Variants in PLCD3 observed in about 807,000 individuals in gnomAD.
PLCD3 encodes phospholipase C delta 3, also known as 1-phosphatidylinositol 4,5-bisphosphate phosphodiesterase delta-3.
In PLCD3, 62 loss-of-function variants were observed where a neutral mutation model predicts 82.8. That is an observed-to-expected ratio of 0.75 (90% CI 0.61 to 0.93). The LOEUF (loss-of-function observed/expected upper bound fraction) is 0.93. PLCD3 is among the 40% of genes least tolerant of loss of function. The pLI is 0.00. For missense variants in PLCD3, 1,023 were observed against 1,103.4 expected, an observed-to-expected ratio of 0.93 and a Z score of 1.03; for synonymous variants, 478 against 471.8, an observed-to-expected ratio of 1.01 and a Z score of -0.17.
chr17:45,113,840 A>G (rs555540928), intron 11 of PLCD3, among the ~76,000 whole-genome samples: 5 of 151,596 alleles, frequency 3.3e-5, no homozygotes, highest in African/African-American at 1.2e-4. Flanking sequence ...AAAAGCCCCC[A>G]CCCTCAGGGC....
Position 45,118,602 on chromosome 17 carries a change from G to T in PLCD3, c.914-110C>A. 1 of 1,298,776 alleles carries T rather than the reference G, an allele frequency of 7.7e-7. No individual in the cohort carries two copies. The highest frequency in any genetic ancestry group is 2.0e-5 in the Admixed American group (1 of 49,436). 80.5% of individuals were successfully genotyped at this position (1,298,776 alleles called of 1,614,324 possible). A position where few individuals can be genotyped will look rare whatever the true frequency, so the allele number is the denominator to read the frequency against. On this transcript the variant is annotated intron_variant, in intron 5 of 14. Coordinates refer to ENST00000619929, the MANE Select transcript of PLCD3 (RefSeq NM_133373.5). This position sits in a 1 kb window ranked among gnomAD's most constrained non-coding sequence, Gnocchi z 4.1. ...AGGAATAATGACTAGACAATCTACT[G>T]ACTAGACTCCATGTAAGTCATGCCA...
chr17:45,120,494 C>T (rs1486992943), intron 3 of PLCD3, 40 bp from the exon 4 acceptor site: 1 of 1,611,956 alleles, frequency 6.2e-7, no homozygotes, highest in African/African-American at 1.3e-5. Flanking sequence ...CGCCAGGCTG[C>T]CCCCAGCCCT....
rs746625861 is a variant in PLCD3 at position 45,112,261 on chromosome 17, A to C, written c.*355T>G. 3.6e-6 allele frequency: 1 copy of C among 279,602 alleles called. No homozygotes were observed. The highest frequency in any genetic ancestry group is 7.0e-6 in the Non-Finnish European group (1 of 143,534). The allele number at this position is 279,602 out of a possible 1,614,324, so 17.3% of individuals were successfully genotyped here. On this transcript the variant is annotated 3_prime_UTR_variant, in exon 15 of 15. Coordinates refer to ENST00000619929, the MANE Select transcript of PLCD3 (RefSeq NM_133373.5). ...GGAGGCTGGGATGGCCCACGGGAGG[A>C]CAGAGGGGAACTGAGGGCCCACAAG...
At position 45,115,463 on chromosome 17, in the gene PLCD3, C is replaced by G. The variant is rs773505705; in HGVS notation, c.1441G>C (p.Gly481Arg). ...EQLKGRVLVK[G>R]KKLPAARSED... ...CTCCGAGCAGCGGGCAACTTCTTTC[C>G]CTTCACCAGGACCCGGCCCTTCAGC... The change falls in exon 9 of 15, where the codon GGA (glycine) becomes CGA (arginine). Residue 481 changes from glycine (G) to arginine (R), a missense_variant. By Grantham distance (125) the Gly-to-Arg change is moderately radical (BLOSUM62 -2). Around this residue, in one of 3 missense-constraint regions of PLCD3, gnomAD observed 553 missense variants for 655.7 expected, o/e 0.84. Transcript: ENST00000619929. The G allele has an allele frequency of 6.2e-7, 1 of 1,611,838 alleles. No homozygotes were observed. The highest frequency in any genetic ancestry group is 8.5e-7 in the Non-Finnish European group (1 of 1,179,268).
chr17:45,113,876 T>C (rs901980832), intron 11 of PLCD3, among the ~76,000 whole-genome samples: 3 of 152,076 alleles, frequency 2.0e-5, no homozygotes, highest in Non-Finnish European at 4.4e-5. Context: ...GCCAGGGGTC[T>C]GAGGAAGCCT....
chr17:45,128,961 G>A (rs1026006193), intron 1 of PLCD3, among the ~76,000 whole-genome samples: 16 of 152,138 alleles, frequency 1.1e-4, no homozygotes, highest in Non-Finnish European at 2.1e-4. Context: ...ACGGACTCTG[G>A]GCCACACTGC....
At position 45,115,380 on chromosome 17, in the gene PLCD3, T is replaced by TTCCTCCTCGTCATCCTCC. The variant is rs2143552783; in HGVS notation, c.1506_1523dup (p.Asp504_Glu509dup). 6.4e-7 allele frequency: 1 copy of TTCCTCCTCGTCATCCTCC among 1,563,508 alleles called. No individual in the cohort carries two copies. Among genetic ancestry groups the TTCCTCCTCGTCATCCTCC allele is most frequent in the East Asian group, 2.4e-5 (1 of 41,214 alleles). On this transcript the variant is annotated inframe_insertion, in exon 9 of 15. Coordinates refer to ENST00000619929, the MANE Select transcript of PLCD3 (RefSeq NM_133373.5). Reference sequence around the variant, plus strand: ...GCGCTGCAGCCTCCACCTCCTCTTCTTCCTCCTCGTCATCCTCCTCCTCCT... The same window carrying TTCCTCCTCGTCATCCTCC: ...GCGCTGCAGCCTCCACCTCCTCTTCTTCCTCCTCGTCATCCTCCTCCTCCTCGTCATCCTCCTCCTCCT...
In PLCD3 at chr17:45,111,366, A is replaced by AG. The variant is rs2054240335; in HGVS notation, c.*1249_*1250insC. 2 of 124,898 alleles carry AG rather than the reference A, an allele frequency of 1.6e-5. No individual in the cohort carries two copies. Among genetic ancestry groups the AG allele is most frequent in the African/African-American group, 7.0e-5 (2 of 28,556 alleles). The allele number at this position is 124,898 out of a possible 1,614,324, so 7.7% of individuals were successfully genotyped here. ...CTCCTCATTCAAGGCCCCTCTGTGT[A>AG]TGTGTGAGTGTGTGTGTGTGTGTGT... On this transcript the variant is annotated 3_prime_UTR_variant, in exon 15 of 15. Coordinates refer to ENST00000619929, the MANE Select transcript of PLCD3 (RefSeq NM_133373.5).
chr17:45,112,765 G>A (rs568045046), intron 14 of PLCD3, 61 bp from the exon 15 acceptor site: 38 of 1,589,426 alleles, frequency 2.4e-5, no homozygotes, highest in African/African-American at 2.3e-4. Flanking sequence ...GGCCCAGCCC[G>A]GGCCTGCTTC....
intron 1 of PLCD3, among the ~76,000 whole-genome samples, chr17:45,129,982 G>A (rs1191955726): frequency 2.0e-5 from 3 of 152,304 alleles, no homozygotes; most frequent in Non-Finnish European, 4.4e-5. Context: ...GGGGCAGAGC[G>A]AGGCGGGGGA....
chr17:45,128,271 G>C (rs1476392949), intron 1 of PLCD3, among the ~76,000 whole-genome samples: 1 of 152,212 alleles, frequency 6.6e-6, no homozygotes, highest in Non-Finnish European at 1.5e-5. Flanking sequence ...AGTGGGGGTG[G>C]CAGCACCCTT....
chr17:45,112,668 G>C lies in PLCD3; in HGVS notation c.2318C>G (p.Ala773Gly), dbSNP rs375345131. The C allele has an allele frequency of 8.1e-6, 13 of 1,606,998 alleles. No homozygotes were observed. The African/African-American group carries it at 1.7e-4, about 21-fold the overall frequency. The change falls in exon 15 of 15, where the codon GCC becomes GGC. Residue 773 changes from alanine to glycine, a missense_variant. Transcript: ENST00000619929. ...RHIHLLSKDG[A>G]SLSPATLFIQ... ...GAAGAGCGTGGCTGGTGACAGTGAG[G>C]CCCCGTCCTTGGAAAGCAGGTGTAT...
In PLCD3 at chr17:45,115,238, G is replaced by A; in HGVS notation, c.1567C>T (p.Gln523Ter). 1 of 1,560,664 alleles carries A rather than the reference G, an allele frequency of 6.4e-7. No individual in the cohort carries two copies. The highest frequency in any genetic ancestry group is 8.7e-7 in the Non-Finnish European group (1 of 1,150,388). The change falls in exon 10 of 15, where the codon CAG becomes TAG. Residue 523 changes from glutamine (Q) to a stop codon, truncating the protein, a stop_gained. Coordinates refer to ENST00000619929, the MANE Select transcript of PLCD3 (RefSeq NM_133373.5). LOFTEE classifies it high-confidence loss of function. ...EAAAQRRLAK[Q>*]ISPELSALAV... is the part of the protein sequence containing the mutation. The stretch of plus-strand genomic sequence containing the variant: ...AGGGCCGACAGCTCCGGGGAGATCT[G>A]CTTGGCCTAGGAGACCAGGCTCAGC...
At chr17:45,114,678 G>T (rs141625843) in intron 10 of PLCD3, among the ~76,000 whole-genome samples, 1 of 152,102 alleles carries the variant, frequency 6.6e-6, no homozygotes. Flanking sequence ...CCAGGCCAAG[G>T]CCCCAGGCCT....
rs992273077 is a variant in PLCD3, at chr17:45,111,244, C to G, written c.*1372G>C. On this transcript the variant is annotated 3_prime_UTR_variant, in exon 15 of 15. Coordinates refer to ENST00000619929, the MANE Select transcript of PLCD3 (RefSeq NM_133373.5). ...GCTGGCTGGCTGGAGGAAGGGAAGC[C>G]CGTGTCCTTGGGATTTGCCCTACTG... is the stretch of plus-strand genomic sequence containing the variant. 1.3e-5 allele frequency: 2 copies of G among 152,216 alleles called. No individual in the cohort carries two copies. The highest frequency in any genetic ancestry group is 1.3e-4 in the Admixed American group (2 of 15,280). 9.4% of individuals were successfully genotyped at this position (152,216 alleles called of 1,614,324 possible).
Position 45,111,382 on chromosome 17 carries a change from GT to G in PLCD3, c.*1233del, listed in dbSNP as rs1567875961. 6.6e-6 allele frequency: 1 copy of G among 152,348 alleles called. No homozygotes were observed. Among genetic ancestry groups the G allele is most frequent in the South Asian group, 2.1e-4 (1 of 4,822 alleles). 9.4% of individuals were successfully genotyped at this position (152,348 alleles called of 1,614,324 possible). The stretch of plus-strand genomic sequence containing the variant: ...CCTCTGTGTATGTGTGAGTGTGTGT[GT>G]GTGTGTGTGTGTGTGTGTGTTGTGG... On this transcript the variant is annotated 3_prime_UTR_variant, in exon 15 of 15. Coordinates refer to ENST00000619929, the MANE Select transcript of PLCD3 (RefSeq NM_133373.5).
intron 1 of PLCD3, 122 bp from the exon 2 acceptor site, chr17:45,121,494 G>A (rs1273271722): frequency 5.8e-6 from 7 of 1,200,188 alleles, no homozygotes; most frequent in Non-Finnish European, 7.8e-6. Flanking sequence ...TCATCCCACA[G>A]TAAGCTTCCC....
intron 1 of PLCD3, among the ~76,000 whole-genome samples, chr17:45,122,943 C>T (rs918885864): frequency 3.3e-5 from 5 of 151,926 alleles, no homozygotes; most frequent in Non-Finnish European, 7.4e-5. Flanking sequence ...TCCAGAGAAC[C>T]GAATATAGAT....
intron 1 of PLCD3, among the ~76,000 whole-genome samples, chr17:45,131,895 G>A (rs1013755668): frequency 6.6e-6 from 1 of 152,104 alleles, no homozygotes; most frequent in Non-Finnish European, 1.5e-5. Flanking sequence ...AGACACCCTG[G>A]CAGAACCTAG....
Sources: allele counts gnomAD v4.1 joint callset (sites outside exome capture counted in the v4.1 genomes callset), GRCh38; gene constraint gnomAD v4.1.1; regional missense constraint gnomAD v4.1.1; non-coding constraint Gnocchi (gnomAD v3.1); transcripts MANE v1.5; gene names NCBI Gene and HGNC (gene_info 2026-07-23, HGNC 2026-07-21).